Variants in MALRD1 observed in about 807,000 individuals in gnomAD.
MALRD1 encodes MAM and LDL-receptor class A domain-containing protein 1.
In MALRD1, 247 loss-of-function variants were observed where a neutral mutation model predicts 242.1. The ratio of observed to expected loss-of-function variants is 1.02; its 90% CI spans 0.92 to 1.13. The LOEUF is 1.13. MALRD1 is among the 50% of genes most tolerant of loss of function. MALRD1 has a pLI of 0.00. For missense variants in MALRD1, 2,989 were observed against 2,533.1 expected (o/e 1.18, Z -3.86); for synonymous variants, 995 against 866.6 (o/e 1.15, Z -2.60).
At chr10:19,487,464 A>G (rs1234487366) in intron 29 of MALRD1, among the ~76,000 whole-genome samples, 1 of 150,416 alleles carries the variant, frequency 6.6e-6, no homozygotes, top group African/African-American at 2.4e-5. Context: ...TGGCTTTGCT[A>G]TTCTATATTT....
intron 39 of MALRD1, among the ~76,000 whole-genome samples, chr10:19,732,728 C>A (rs1007548069): frequency 6.6e-6 from 1 of 151,964 alleles, no homozygotes; most frequent in Non-Finnish European, 1.5e-5. Context: ...ATTATGGATT[C>A]TTTACTTTCT....
intron 33 of MALRD1, among the ~76,000 whole-genome samples, chr10:19,569,489 C>T (rs1836410218): frequency 6.6e-6 from 1 of 151,526 alleles, no homozygotes; most frequent in Admixed American, 6.6e-5. Context: ...AAAAAATCTC[C>T]ATCTTCCCAA....
chr10:19,621,351 T>TAAAA (rs56041015), intron 36 of MALRD1, among the ~76,000 whole-genome samples: 5,268 of 121,762 alleles, frequency 0.043, 180 homozygotes, highest in East Asian at 0.057. Context: ...TAAAAATATG[T>TAAAA]AAAAAAAAAA....
intron 2 of MALRD1, among the ~76,000 whole-genome samples, chr10:19,070,904 T>G (rs1349128850): frequency 7.5e-6 from 1 of 133,494 alleles, no homozygotes; most frequent in East Asian, 2.4e-4. Context: ...CAAGCTGGAG[T>G]GTAGTGGTGT....
chr10:19,066,582 GTAGACT>G, intron 1 of MALRD1, 131 bp from the exon 2 acceptor site: 4 of 645,270 alleles, frequency 6.2e-6, no homozygotes, highest in Non-Finnish European at 8.8e-6. Flanking sequence ...CATGAATAAA[GTAGACT>G]TAGACTTATA....
intron 27 of MALRD1, chr10:19,389,093 A>C: frequency 5.5e-6 from 2 of 362,828 alleles, no homozygotes; most frequent in South Asian, 2.1e-5. Context: ...AGCAGACCAT[A>C]TCACTCTTTT....
intron 4 of MALRD1, among the ~76,000 whole-genome samples, chr10:19,096,954 G>T (rs560765979): frequency 6.6e-6 from 1 of 152,292 alleles, no homozygotes; most frequent in South Asian, 2.1e-4. Context: ...ATTGAAGCAG[G>T]TTAACTTCTG....
intron 2 of MALRD1, among the ~76,000 whole-genome samples, chr10:19,076,484 G>C (rs1835322209): frequency 1.3e-5 from 2 of 151,918 alleles, no homozygotes; most frequent in South Asian, 4.1e-4. Flanking sequence ...ATTTTAATAT[G>C]TTATGAGGTA....
At chr10:19,059,372 C>A (rs1158036083) in intron 1 of MALRD1, among the ~76,000 whole-genome samples, 1 of 151,738 alleles carries the variant, frequency 6.6e-6, no homozygotes, top group Non-Finnish European at 1.5e-5. Context: ...TCTAAAATAG[C>A]ATCTATTGTT....
Position 19,331,545 on chromosome 10 carries a change from T to G in MALRD1, c.3864T>G (p.Asp1288Glu), listed in dbSNP as rs1361250984. The G allele has an allele frequency of 7.1e-6, 11 of 1,550,160 alleles. No individual in the cohort carries two copies. Among genetic ancestry groups the G allele is most frequent in the Non-Finnish European group, 9.6e-6 (11 of 1,146,796 alleles). ...ACAAGCTGTGTGATTTTGTGAATGATTGTGCTGATAATTCAGATGAGACTA... is the reference window on the plus strand; with the variant it reads ...ACAAGCTGTGTGATTTTGTGAATGAGTGTGCTGATAATTCAGATGAGACTA... ...AKDKLCDFVN[D>E]CADNSDETTF... The change falls in exon 24 of 40, where the codon GAT (aspartate) becomes GAG (glutamate). Residue 1288 changes from aspartate to glutamate, a missense_variant. Physicochemically the swap from Asp to Glu is conservative, Grantham distance 45. Transcript: ENST00000454679.
At chr10:19,097,741 C>T (rs2131319661) in intron 4 of MALRD1, among the ~76,000 whole-genome samples, 1 of 152,170 alleles carries the variant, frequency 6.6e-6, no homozygotes, top group East Asian at 1.9e-4. Flanking sequence ...ATTTACTAAA[C>T]AGACCTGGAC....
At chr10:19,612,532 C>T (rs1349861296) in intron 35 of MALRD1, among the ~76,000 whole-genome samples, 1 of 151,846 alleles carries the variant, frequency 6.6e-6, no homozygotes, top group Non-Finnish European at 1.5e-5. Context: ...TTAATGCCTG[C>T]TATCCCTTCT....
chr10:19,172,359 A>T (rs1428472233), intron 13 of MALRD1, among the ~76,000 whole-genome samples: 2 of 151,672 alleles, frequency 1.3e-5, no homozygotes, highest in Non-Finnish European at 2.9e-5. Flanking sequence ...AATTCGTATG[A>T]TTTTAATTAA....
At chr10:19,535,547 A>ATACATGTG (rs2131362035) in intron 32 of MALRD1, among the ~76,000 whole-genome samples, 2 of 150,270 alleles carry the variant, frequency 1.3e-5, no homozygotes, top group Non-Finnish European at 3.0e-5. Flanking sequence ...ATATACATAT[A>ATACATGTG]TATACACATA....
chr10:19,147,240 A>G (rs765025928), intron 11 of MALRD1, among the ~76,000 whole-genome samples: 1 of 152,188 alleles, frequency 6.6e-6, no homozygotes, highest in Non-Finnish European at 1.5e-5. Context: ...TTCTTCTTTC[A>G]GACTTCCAAA....
intron 29 of MALRD1, among the ~76,000 whole-genome samples, chr10:19,480,965 T>G (rs1477986648): frequency 1.3e-5 from 2 of 152,180 alleles, no homozygotes; most frequent in Non-Finnish European, 2.9e-5. Context: ...ATATTTAAAA[T>G]ATATCCATGC....
chr10:19,500,301 T>C (rs911040306), intron 31 of MALRD1, among the ~76,000 whole-genome samples: 1 of 152,182 alleles, frequency 6.6e-6, no homozygotes, highest in Non-Finnish European at 1.5e-5. Context: ...AGTTAGTGTA[T>C]ACTATAAGAT....
At chr10:19,168,785 C>G (rs7074196) in intron 13 of MALRD1, among the ~76,000 whole-genome samples, 1,600 of 152,248 alleles carry the variant, frequency 0.011, 24 homozygotes, top group African/African-American at 0.035. Flanking sequence ...GCTGGTGGCT[C>G]AGCACCTTGT....
Position 19,195,550 on chromosome 10 carries a change from T to A in MALRD1, c.1952-8178T>A, listed in dbSNP as rs142291071. On this transcript the variant is annotated intron_variant, in intron 14 of 39. Coordinates refer to ENST00000454679, the MANE Select transcript of MALRD1 (RefSeq NM_001142308.3). The stretch of plus-strand genomic sequence containing the variant: ...TCTTCCCCTGGATGTTTAATTGGGA[T>A]CTTAAATTTTTCATACCCACCTGCA... Among the ~76,000 whole-genome samples the A allele has an allele frequency of 8.2e-3, 1,247 of 152,274 alleles. 12 individuals carry two copies. The highest frequency in any genetic ancestry group is 0.028 in the African/African-American group (1,179 of 41,548).
Sources: allele counts gnomAD v4.1 joint callset (sites outside exome capture counted in the v4.1 genomes callset), GRCh38; gene constraint gnomAD v4.1.1; transcripts MANE v1.5; gene names NCBI Gene and HGNC (gene_info 2026-07-23, HGNC 2026-07-21).